ATP8A1: variants seen among roughly 807,000 people sequenced by gnomAD.
ATP8A1 encodes the protein phospholipid-transporting ATPase IA.
Under a neutral mutation model 177.7 loss-of-function variants are expected in ATP8A1, and 90 were observed. That is an observed-to-expected ratio of 0.51 (90% CI 0.43 to 0.60). The LOEUF (loss-of-function observed/expected upper bound fraction) is 0.60. Ranked by LOEUF, ATP8A1 falls within the 20% of genes least tolerant of loss-of-function variation. The probability of loss-of-function intolerance (pLI) is 0.00; values close to 1 mark genes in which losing one functional copy is unlikely to be tolerated. For missense variants in ATP8A1, 1,072 were observed against 1,392.8 expected (o/e 0.77, Z 3.67); for synonymous variants, 493 against 485.9 (o/e 1.01, Z -0.19).
chr4:42,637,260 T>A (rs1739491074), intron 1 of ATP8A1: 1 of 515,142 alleles, frequency 1.9e-6, no homozygotes, highest in African/African-American at 1.9e-5. Flanking sequence ...CCCTACTTGC[T>A]GGATCAGATC....
chr4:42,472,747 C>CAAA (rs11315234), intron 25 of ATP8A1, among the ~76,000 whole-genome samples: 1,433 of 110,936 alleles, frequency 0.013, 26 homozygotes, highest in Non-Finnish European at 0.019. Context: ...GAGACTGTCT[C>CAAA]AAAAAAAAAA....
chr4:42,444,783 C>T, intron 31 of ATP8A1, 149 bp from the exon 32 acceptor site: 4 of 811,422 alleles, frequency 4.9e-6, no homozygotes, highest in Non-Finnish European at 7.8e-6. Flanking sequence ...AGCAAAGAGA[C>T]AGGTAAATTA....
intron 29 of ATP8A1, 98 bp from the exon 30 acceptor site, chr4:42,452,157 G>A: frequency 1.2e-6 from 1 of 810,188 alleles, no homozygotes; most frequent in Admixed American, 2.2e-5. Flanking sequence ...CACAAAATGT[G>A]TTTCTGTCGG....
At chr4:42,414,168 T>C (rs1272698440) in intron 36 of ATP8A1, among the ~76,000 whole-genome samples, 2 of 152,280 alleles carry the variant, frequency 1.3e-5, no homozygotes, top group Non-Finnish European at 2.9e-5. Context: ...TATTCTTTTT[T>C]AGATCTTGAA....
At chr4:42,521,092 T>C (rs1023940320) in intron 22 of ATP8A1, among the ~76,000 whole-genome samples, 2 of 152,120 alleles carry the variant, frequency 1.3e-5, no homozygotes, top group Non-Finnish European at 2.9e-5. Flanking sequence ...CACAGTTCGA[T>C]AGAGAGGAAA....
chr4:42,562,810 C>G (rs1730976180), intron 15 of ATP8A1, among the ~76,000 whole-genome samples: 1 of 152,188 alleles, frequency 6.6e-6, no homozygotes, highest in Non-Finnish European at 1.5e-5. Context: ...CACAAGCTCT[C>G]TTTGCCTGCT....
rs1376648349 is a variant in ATP8A1 at position 42,429,195 on chromosome 4, T to C, written c.3124-5490A>G. ...GGAGAGTTATTGCCAGATAATTACG[T>C]ATTTTGGGGAGAGGAGTTGATTCAG... On this transcript the variant is annotated intron_variant, in intron 33 of 36. Coordinates refer to ENST00000381668, the MANE Select transcript of ATP8A1 (RefSeq NM_006095.2). 2.0e-5 allele frequency among the ~76,000 whole-genome samples: 3 copies of C among 152,146 alleles called. No homozygotes were observed. The East Asian group carries it at 5.8e-4, about 29-fold the overall frequency.
At chr4:42,441,606 C>G (rs1716652674) in intron 33 of ATP8A1, among the ~76,000 whole-genome samples, 1 of 152,146 alleles carries the variant, frequency 6.6e-6, no homozygotes, top group Non-Finnish European at 1.5e-5. Context: ...GGCATTCTCA[C>G]TATATCCTTA....
chr4:42,437,602 A>AC (rs944344950), intron 33 of ATP8A1, among the ~76,000 whole-genome samples: 6 of 151,884 alleles, frequency 4.0e-5, no homozygotes, highest in African/African-American at 1.5e-4. Context: ...ACTGCCCCTA[A>AC]CCCCCGATAT....
intron 6 of ATP8A1, among the ~76,000 whole-genome samples, chr4:42,594,668 C>T (rs1259218963): frequency 6.6e-6 from 1 of 152,052 alleles, no homozygotes; most frequent in Non-Finnish European, 1.5e-5. Context: ...GAGGGATTTA[C>T]CAATATAAAT....
chr4:42,634,865 A>ATGATCTGAGTCTCAGCTTCC (rs1739115962), intron 1 of ATP8A1, among the ~76,000 whole-genome samples: 1 of 152,222 alleles, frequency 6.6e-6, no homozygotes, highest in Non-Finnish European at 1.5e-5. Flanking sequence ...AAATTATTTT[A>ATGATCTGAGTCTCAGCTTCC]TCATCTGAGT....
intron 6 of ATP8A1, among the ~76,000 whole-genome samples, chr4:42,595,391 G>A (rs574143519): frequency 2.0e-5 from 3 of 152,100 alleles, no homozygotes; most frequent in African/African-American, 7.2e-5. Flanking sequence ...TGGGGCAGGG[G>A]TATTGTCTTT....
chr4:42,510,861 C>G (rs922249205), intron 22 of ATP8A1, among the ~76,000 whole-genome samples: 1 of 152,106 alleles, frequency 6.6e-6, no homozygotes. Context: ...AAAAGAGAAA[C>G]ATTTTCAAAG....
At chr4:42,651,386 A>T (rs1219504331) in intron 1 of ATP8A1, among the ~76,000 whole-genome samples, 1 of 152,132 alleles carries the variant, frequency 6.6e-6, no homozygotes, top group African/African-American at 2.4e-5. Flanking sequence ...AAAGCAGGAA[A>T]ATGTGGGAAA....
At chr4:42,605,265 A>G (rs1207578187) in intron 5 of ATP8A1, among the ~76,000 whole-genome samples, 1 of 152,184 alleles carries the variant, frequency 6.6e-6, no homozygotes, top group East Asian at 1.9e-4. Context: ...TTTATAAGTG[A>G]CTAAACCAAT....
At chr4:42,647,494 A>G (rs1356407208) in intron 1 of ATP8A1, among the ~76,000 whole-genome samples, 1 of 151,880 alleles carries the variant, frequency 6.6e-6, no homozygotes, top group Non-Finnish European at 1.5e-5. Context: ...AAAATATTGA[A>G]ATAATATTTT....
Position 42,537,902 on chromosome 4 carries a change from A to C in ATP8A1, c.1722+6015T>G, listed in dbSNP as rs73165759. Among the ~76,000 whole-genome samples the C allele has an allele frequency of 6.6e-3, 1,006 of 152,304 alleles. 11 individuals carry two copies. The highest frequency in any genetic ancestry group is 0.023 in the African/African-American group (958 of 41,566). On this transcript the variant is annotated intron_variant, in intron 20 of 36. Coordinates refer to ENST00000381668, the MANE Select transcript of ATP8A1 (RefSeq NM_006095.2). The stretch of plus-strand genomic sequence containing the variant: ...CACCACCATTCTTCACAATTAGAAA[A>C]AATAATCCTAAATTTTGTATGGAAC...
At chr4:42,630,273 A>G (rs1197323510) in intron 1 of ATP8A1, among the ~76,000 whole-genome samples, 1 of 152,174 alleles carries the variant, frequency 6.6e-6, no homozygotes, top group East Asian at 1.9e-4. Flanking sequence ...CTTCTTATAC[A>G]TGGAGTTCTA....
intron 27 of ATP8A1, among the ~76,000 whole-genome samples, chr4:42,460,914 C>T (rs1388228550): frequency 1.3e-5 from 2 of 152,168 alleles, no homozygotes; most frequent in Non-Finnish European, 2.9e-5. Flanking sequence ...AATTACTACA[C>T]ATATAGCTTC....
Sources: gnomAD v4.1 joint callset for allele counts (sites outside exome capture counted in the v4.1 genomes callset) on GRCh38, gnomAD v4.1.1 for gene constraint, MANE v1.5 for transcripts, NCBI Gene and HGNC (gene_info 2026-07-23, HGNC 2026-07-21) for gene names.